ZRANB3: variants seen among roughly 807,000 people sequenced by gnomAD.
ZRANB3 encodes the protein DNA annealing helicase and endonuclease ZRANB3.
A neutral mutation model predicts 133.8 loss-of-function variants in ZRANB3; 125 were observed. The observed-to-expected ratio is 0.93, with a 90% CI of 0.81 to 1.08. ZRANB3 has a LOEUF of 1.08. Among genes scored for constraint, ZRANB3 ranks in the 50% least tolerant of loss-of-function variants. ZRANB3 has a pLI of 0.00. For missense variants in ZRANB3, 1,229 were observed against 1,275.5 expected (o/e 0.96, Z 0.56); for synonymous variants, 387 against 432.7 (o/e 0.89, Z 1.31).
chr2:135,455,268 A>G (rs976949160), intron 2 of ZRANB3, among the ~76,000 whole-genome samples: 2 of 129,150 alleles, frequency 1.5e-5, no homozygotes, highest in African/African-American at 6.1e-5. Flanking sequence ...GGCTCACTGT[A>G]ACCTCCACCT....
chr2:135,442,725 T>C (rs950460029), intron 2 of ZRANB3, among the ~76,000 whole-genome samples: 1 of 152,186 alleles, frequency 6.6e-6, no homozygotes, highest in African/African-American at 2.4e-5. Context: ...TAAATACTAC[T>C]ACTATAAAGA....
rs2105029474 is a variant in ZRANB3 at position 135,200,054 on chromosome 2, GATTAGGCAT to G, written c.*279_*287del. ...AAACACAATCTATGCACAATACAGT[GATTAGGCAT>G]ATTAGGGGTAAAGAGCTTTACAAAA... On this transcript the variant is annotated 3_prime_UTR_variant, in exon 21 of 21. Transcript: ENST00000264159. 2.2e-6 allele frequency: 1 copy of G among 451,530 alleles called. No homozygotes were observed. Among genetic ancestry groups the G allele is most frequent in the African/African-American group, 2.0e-5 (1 of 50,222 alleles). 28.0% of individuals were successfully genotyped at this position (451,530 alleles called of 1,614,324 possible). A position where few individuals can be genotyped will look rare whatever the true frequency, so the allele number is the denominator to read the frequency against.
chr2:135,223,304 C>T (rs532388119), intron 15 of ZRANB3, among the ~76,000 whole-genome samples: 4 of 151,430 alleles, frequency 2.6e-5, no homozygotes, highest in Non-Finnish European at 2.9e-5. Context: ...TAATTATTCA[C>T]ATTTAAGTGA....
chr2:135,380,270 C>G (rs1469700126), intron 3 of ZRANB3, among the ~76,000 whole-genome samples: 3 of 152,192 alleles, frequency 2.0e-5, no homozygotes, highest in Admixed American at 1.3e-4. Context: ...AGAAGGTTAA[C>G]AAGGATATCC....
At chr2:135,518,168 A>G (rs1693778444) in intron 1 of ZRANB3, among the ~76,000 whole-genome samples, 1 of 152,122 alleles carries the variant, frequency 6.6e-6, no homozygotes, top group African/African-American at 2.4e-5. Flanking sequence ...GAGAATTTCA[A>G]GCCAGTGGAT....
At chr2:135,242,955 T>C (rs1695614193) in intron 12 of ZRANB3, among the ~76,000 whole-genome samples, 1 of 152,228 alleles carries the variant, frequency 6.6e-6, no homozygotes, top group South Asian at 2.1e-4. Flanking sequence ...CTTCAGCTCA[T>C]TACATTGTCT....
At chr2:135,398,521 CTTTTT>C (rs374119156) in intron 2 of ZRANB3, among the ~76,000 whole-genome samples, 2 of 123,910 alleles carry the variant, frequency 1.6e-5, no homozygotes, top group Non-Finnish European at 3.2e-5. Flanking sequence ...TCTTTTGTCA[CTTTTT>C]TTTTTTTTTT....
At chr2:135,333,520 C>A (rs917655032) in intron 6 of ZRANB3, among the ~76,000 whole-genome samples, 2 of 152,180 alleles carry the variant, frequency 1.3e-5, no homozygotes, top group Non-Finnish European at 2.9e-5. Context: ...AATGTGTATA[C>A]TCTTCCATAG....
chr2:135,275,612 T>G (rs1252185566), intron 9 of ZRANB3, 24 bp downstream of exon 9: 22 of 1,552,392 alleles, frequency 1.4e-5, no homozygotes, highest in Non-Finnish European at 1.8e-5. Flanking sequence ...CTAAAAAGTA[T>G]TTAGTTAAAA....
intron 2 of ZRANB3, among the ~76,000 whole-genome samples, chr2:135,499,768 G>T (rs1251548225): frequency 6.6e-6 from 1 of 152,136 alleles, no homozygotes; most frequent in Admixed American, 6.5e-5. Flanking sequence ...GTAAAGATTG[G>T]TGAAATTACA....
chr2:135,452,918 G>GC (rs1559008998), intron 2 of ZRANB3, among the ~76,000 whole-genome samples: 4 of 152,216 alleles, frequency 2.6e-5, no homozygotes, highest in Admixed American at 1.3e-4. Context: ...ACTAGGCAGT[G>GC]CCCCAGTAGG....
chr2:135,455,440 G>A (rs1027259008), intron 2 of ZRANB3, among the ~76,000 whole-genome samples: 3 of 151,172 alleles, frequency 2.0e-5, no homozygotes, highest in South Asian at 2.1e-4. Context: ...CACCTGCCTC[G>A]GCCTCCCAAA....
chr2:135,269,417 G>A (rs1335525848), intron 10 of ZRANB3, among the ~76,000 whole-genome samples: 1 of 152,120 alleles, frequency 6.6e-6, no homozygotes, highest in African/African-American at 2.4e-5. Context: ...ATTCTCTGAT[G>A]ATGAACGGAT....
intron 2 of ZRANB3, among the ~76,000 whole-genome samples, chr2:135,466,613 T>C (rs947193986): frequency 3.9e-5 from 6 of 151,960 alleles, no homozygotes; most frequent in African/African-American, 1.4e-4. Context: ...TCAGTTCTCT[T>C]TTTTATTAAA....
intron 3 of ZRANB3, among the ~76,000 whole-genome samples, chr2:135,359,676 C>T (rs922294540): frequency 6.6e-6 from 1 of 151,894 alleles, no homozygotes; most frequent in South Asian, 2.1e-4. Context: ...TACCCATTTC[C>T]TAATCTACTT....
At chr2:135,440,044 G>A (rs1303863847) in intron 2 of ZRANB3, among the ~76,000 whole-genome samples, 1 of 152,172 alleles carries the variant, frequency 6.6e-6, no homozygotes. Flanking sequence ...CAGGATTTAT[G>A]TATTGTTCAG....
intron 3 of ZRANB3, among the ~76,000 whole-genome samples, chr2:135,368,863 A>T (rs1401319668): frequency 6.6e-6 from 1 of 152,098 alleles, no homozygotes; most frequent in South Asian, 2.1e-4. Flanking sequence ...AATTTCAAAT[A>T]AAAATGTACT....
At chr2:135,496,329 A>G (rs903968796) in intron 2 of ZRANB3, among the ~76,000 whole-genome samples, 24 of 146,398 alleles carry the variant, frequency 1.6e-4, no homozygotes, top group Admixed American at 1.4e-4. Flanking sequence ...GGTTGCAGTG[A>G]GCCAAGATGG....
chr2:135,366,965 G>T (rs752250614), intron 3 of ZRANB3, among the ~76,000 whole-genome samples: 3 of 152,080 alleles, frequency 2.0e-5, no homozygotes, highest in Admixed American at 1.3e-4. Context: ...AGCTTGCAGT[G>T]AGCAGAGATC....
Sources: gnomAD v4.1 joint callset for allele counts (sites outside exome capture counted in the v4.1 genomes callset) on GRCh38, gnomAD v4.1.1 for gene constraint, MANE v1.5 for transcripts, NCBI Gene and HGNC (gene_info 2026-07-23, HGNC 2026-07-21) for gene names.